XKR9: variants seen among roughly 807,000 people sequenced by gnomAD.
XKR9 encodes the protein XK-related protein 9.
XKR9 carries 32 observed loss-of-function variants against 32.0 expected under a neutral mutation model. The observed-to-expected ratio is 1.00, with a 90% confidence interval of 0.76 to 1.34. The LOEUF (loss-of-function observed/expected upper bound fraction) is 1.34. Among genes scored for constraint, XKR9 ranks in the 40% most tolerant of loss-of-function variants. XKR9 has a pLI of 0.00. For synonymous variants in XKR9, 168 were observed against 143.4 expected, an observed-to-expected ratio of 1.17 and a Z score of -1.22; for missense variants, 546 against 429.7, an observed-to-expected ratio of 1.27 and a Z score of -2.39.
At chr8:70,950,566 G>A in the XKR9 span, among the ~76,000 whole-genome samples, 1 of 152,166 alleles carries the variant, frequency 6.6e-6, no homozygotes, top group Non-Finnish European at 1.5e-5. Context: ...CACAGGGCTC[G>A]GAGGACAGCC....
chr8:71,036,401 A>C, the XKR9 span, among the ~76,000 whole-genome samples: 333 of 152,298 alleles, frequency 2.2e-3, 2 homozygotes, highest in African/African-American at 7.6e-3. Context: ...TACAAACATA[A>C]AGTTTTAACA....
At chr8:70,829,530 G>A in the XKR9 span, among the ~76,000 whole-genome samples, 335 of 152,252 alleles carry the variant, frequency 2.2e-3, 2 homozygotes, top group African/African-American at 7.7e-3. Context: ...CTCACTGCAA[G>A]CTCCGCCTCC....
At chr8:70,678,587 C>A (rs1818960864) in intron 2 of XKR9, among the ~76,000 whole-genome samples, 1 of 152,132 alleles carries the variant, frequency 6.6e-6, no homozygotes. Context: ...TCCTCCTAAA[C>A]CCCATGTGTA....
chr8:70,823,824 C>CAAGTGGACAGGGGTCTATATAGAA, the XKR9 span, among the ~76,000 whole-genome samples: 33 of 152,210 alleles, frequency 2.2e-4, 1 homozygote, highest in South Asian at 5.0e-3. Flanking sequence ...TGTCCTTGAT[C>CAAGTGGACAGGGGTCTATATAGAA]AAGTGGACAG....
chr8:71,006,496 T>G, the XKR9 span, among the ~76,000 whole-genome samples: 1 of 152,158 alleles, frequency 6.6e-6, no homozygotes, highest in African/African-American at 2.4e-5. Flanking sequence ...AGCTTGTTGG[T>G]GGATGGGGTG....
the XKR9 span, among the ~76,000 whole-genome samples, chr8:70,958,079 C>T: frequency 1.3e-5 from 2 of 152,132 alleles, no homozygotes; most frequent in Admixed American, 6.5e-5. Flanking sequence ...TGAGCCATGG[C>T]GCCTGGCCCT....
chr8:70,721,091 G>A (rs1271068695), intron 4 of XKR9, among the ~76,000 whole-genome samples: 2 of 152,112 alleles, frequency 1.3e-5, no homozygotes, highest in Admixed American at 1.3e-4. Flanking sequence ...TTTGCATAGA[G>A]GTGTTTATAG....
intron 3 of XKR9, among the ~76,000 whole-genome samples, chr8:70,693,645 C>T (rs1430829931): frequency 6.6e-6 from 1 of 152,146 alleles, no homozygotes; most frequent in Non-Finnish European, 1.5e-5. Flanking sequence ...GGGGCTCCAC[C>T]CCAGAGAGTT....
the XKR9 span, among the ~76,000 whole-genome samples, chr8:70,902,994 T>A: frequency 6.6e-6 from 1 of 152,202 alleles, no homozygotes; most frequent in African/African-American, 2.4e-5. Context: ...TGAAGCCAAC[T>A]TGATCATGTT....
intron 3 of XKR9, among the ~76,000 whole-genome samples, chr8:70,685,676 T>C (rs1438848654): frequency 7.3e-6 from 1 of 136,938 alleles, no homozygotes; most frequent in Non-Finnish European, 1.5e-5. Context: ...TAGGTGGGAA[T>C]TGAACAATGA....
chr8:71,020,247 G>A, the XKR9 span, among the ~76,000 whole-genome samples: 1 of 152,166 alleles, frequency 6.6e-6, no homozygotes, highest in Non-Finnish European at 1.5e-5. Flanking sequence ...TGAGCCAGTT[G>A]GAAATATGGA....
intron 2 of XKR9, among the ~76,000 whole-genome samples, chr8:70,776,012 CT>C (rs1202275217): frequency 1.3e-5 from 2 of 152,096 alleles, no homozygotes; most frequent in East Asian, 3.9e-4. Flanking sequence ...TCCCAAATTG[CT>C]GGGATTACAG....
chr8:70,679,343 A>G (rs1014392014), intron 2 of XKR9, among the ~76,000 whole-genome samples: 2 of 152,192 alleles, frequency 1.3e-5, no homozygotes, highest in Admixed American at 6.5e-5. Context: ...TGTGCCAAGT[A>G]CTTTTCTAGG....
intron 4 of XKR9, among the ~76,000 whole-genome samples, chr8:70,731,803 C>T (rs1489436065): frequency 1.3e-5 from 2 of 152,182 alleles, no homozygotes; most frequent in Non-Finnish European, 2.9e-5. Flanking sequence ...GGAAAGTTCT[C>T]TGAGTTAGGA....
chr8:70,836,716 C>T, the XKR9 span, among the ~76,000 whole-genome samples: 4 of 151,698 alleles, frequency 2.6e-5, no homozygotes, highest in East Asian at 3.9e-4. Flanking sequence ...GGGCAAATAT[C>T]GAGGCATAGA....
the XKR9 span, among the ~76,000 whole-genome samples, chr8:70,880,970 A>G: frequency 6.6e-6 from 1 of 152,200 alleles, no homozygotes; most frequent in Admixed American, 6.5e-5. Context: ...AACATCACTC[A>G]TCTACAGCCA....
the XKR9 span, among the ~76,000 whole-genome samples, chr8:70,996,468 A>C: frequency 2.6e-5 from 4 of 152,312 alleles, no homozygotes; most frequent in African/African-American, 9.6e-5. Context: ...AATAATTAAA[A>C]CCCAAAAGTT....
the XKR9 span, among the ~76,000 whole-genome samples, chr8:70,927,418 C>T: frequency 3.3e-5 from 5 of 152,216 alleles, no homozygotes; most frequent in East Asian, 5.8e-4. Flanking sequence ...TAACAAAACA[C>T]CTGAGACTGG....
chr8:70,824,145 ATACAT>A, the XKR9 span, among the ~76,000 whole-genome samples: 1 of 152,158 alleles, frequency 6.6e-6, no homozygotes, highest in South Asian at 2.1e-4. Context: ...GACTGAGGAA[ATACAT>A]TAGGCAAAAG....
Sources: allele counts gnomAD v4.1 joint callset (sites outside exome capture counted in the v4.1 genomes callset), GRCh38; gene constraint gnomAD v4.1.1; transcripts MANE v1.5; gene names NCBI Gene and HGNC (gene_info 2026-07-23, HGNC 2026-07-21).